GSE1: variants seen among roughly 807,000 people sequenced by gnomAD.
The protein encoded by GSE1 is genetic suppressor element 1.
In GSE1, 32 loss-of-function variants were observed where a neutral mutation model predicts 112.6. That is an observed-to-expected ratio of 0.28 (90% CI 0.21 to 0.38). The LOEUF (loss-of-function observed/expected upper bound fraction) is 0.38. Ranked by LOEUF, GSE1 falls within the 10% of genes least tolerant of loss-of-function variation. The pLI, the probability that GSE1 is intolerant of heterozygous loss-of-function variation, is 1.00. For missense variants in GSE1, 2,348 were observed against 1,699.2 expected (o/e 1.38, Z -6.71); for synonymous variants, 1,115 against 735.6 (o/e 1.52, Z -8.35).
upstream of GSE1, among the ~76,000 whole-genome samples, chr16:85,607,339 C>T (rs2047749726): frequency 6.6e-6 from 1 of 152,222 alleles, no homozygotes; most frequent in Non-Finnish European, 1.5e-5. Context: ...CCCCGACGCA[C>T]ACGGCTTCCT....
At position 85,348,534 on chromosome 16, in the gene GSE1, G is replaced by T. The variant is rs115200409; in HGVS notation, c.2284-8929G>T. Among the ~76,000 whole-genome samples the T allele has an allele frequency of 5.3e-3, 805 of 152,198 alleles. 8 individuals carry two copies. The highest frequency in any genetic ancestry group is 0.018 in the African/African-American group (758 of 41,522). ...TGGCCCCTTTGTCCACTTGATCTTG[G>T]CCACTGCCCATCCATGAAATGCAGG... On this transcript the variant is annotated intron_variant, in intron 1 of 2. Coordinates refer to the GSE1 transcript ENST00000637419.
intron 1 of GSE1, among the ~76,000 whole-genome samples, chr16:85,288,802 A>C (rs2045118436): frequency 6.6e-6 from 1 of 152,096 alleles, no homozygotes; most frequent in African/African-American, 2.4e-5. Context: ...GGAGGTGGGG[A>C]GGGTGGAGCT....
intron 1 of GSE1, among the ~76,000 whole-genome samples, chr16:85,268,340 A>G (rs144527513): frequency 6.3e-4 from 96 of 152,260 alleles, no homozygotes; most frequent in African/African-American, 2.2e-3. Context: ...TAATGGTCAC[A>G]GTACAAACAC....
intron 2 of GSE1, among the ~76,000 whole-genome samples, chr16:85,526,242 C>T (rs563085412): frequency 3.3e-5 from 5 of 152,240 alleles, no homozygotes; most frequent in Admixed American, 2.0e-4. Context: ...GGGATTAGCT[C>T]GAGAACCCTC....
At chr16:85,508,793 T>TG (rs2051630846) in intron 2 of GSE1, among the ~76,000 whole-genome samples, 1 of 152,228 alleles carries the variant, frequency 6.6e-6, no homozygotes, top group South Asian at 2.1e-4. Context: ...TTACCTGAAC[T>TG]GGGGTCCTTG....
At chr16:85,587,107 G>T (rs994698701) in intron 1 of GSE1, among the ~76,000 whole-genome samples, 1 of 151,780 alleles carries the variant, frequency 6.6e-6, no homozygotes, top group Non-Finnish European at 1.5e-5. Flanking sequence ...ATGGGCCTCG[G>T]CCTCTGGCGG....
At chr16:85,628,296 C>T (rs975001926) in intron 1 of GSE1, among the ~76,000 whole-genome samples, 1 of 152,364 alleles carries the variant, frequency 6.6e-6, no homozygotes, top group South Asian at 2.1e-4. Flanking sequence ...TTCCCAGGCT[C>T]ACAGCTCCTC....
intron 2 of GSE1, among the ~76,000 whole-genome samples, chr16:85,502,550 GC>G: frequency 6.6e-6 from 1 of 152,232 alleles, no homozygotes; most frequent in Non-Finnish European, 1.5e-5. Flanking sequence ...GCTGGGCCAG[GC>G]CTGAGCCAAG....
At chr16:85,490,378 T>C (rs1038728486) in intron 2 of GSE1, 3 of 152,180 alleles carry the variant, frequency 2.0e-5, no homozygotes, top group Non-Finnish European at 4.4e-5. Context: ...TCTCCTCATG[T>C]GTAAAAGGGG....
At chr16:85,218,725 C>T (rs2075343334) in intron 1 of GSE1, among the ~76,000 whole-genome samples, 1 of 152,256 alleles carries the variant, frequency 6.6e-6, no homozygotes, top group Non-Finnish European at 1.5e-5. Context: ...TCTGCAGGTC[C>T]TGCTCTGTGC....
At chr16:85,409,330 T>G (rs1489061958) in intron 2 of GSE1, among the ~76,000 whole-genome samples, 1 of 48,882 alleles carries the variant, frequency 2.0e-5, no homozygotes, top group East Asian at 9.1e-4. Flanking sequence ...TCCTCACTGT[T>G]ACACTCAGGG....
chr16:85,382,442 C>T (rs2047568754), intron 2 of GSE1, among the ~76,000 whole-genome samples: 1 of 152,186 alleles, frequency 6.6e-6, no homozygotes, highest in Non-Finnish European at 1.5e-5. Flanking sequence ...GCTGCCCCTG[C>T]AATGTGCAGA....
At chr16:85,204,853 A>G (rs1056680582) in intron 1 of GSE1, among the ~76,000 whole-genome samples, 1 of 152,168 alleles carries the variant, frequency 6.6e-6, no homozygotes, top group African/African-American at 2.4e-5. Flanking sequence ...CTGTGTGCTC[A>G]CAGCTGTTTA....
intron 2 of GSE1, among the ~76,000 whole-genome samples, chr16:85,363,182 T>C (rs924182840): frequency 6.6e-6 from 1 of 152,158 alleles, no homozygotes; most frequent in Non-Finnish European, 1.5e-5. Flanking sequence ...ACCCTACCGC[T>C]GAGTTTGGGG....
chr16:85,600,582 C>T (rs981252585), intron 1 of GSE1, among the ~76,000 whole-genome samples: 1 of 149,374 alleles, frequency 6.7e-6, no homozygotes, highest in Non-Finnish European at 1.5e-5. Context: ...CACACACACA[C>T]CCCAAACACA....
Position 85,634,081 on chromosome 16 carries a change from A to G in GSE1, c.175A>G (p.Ser59Gly), listed in dbSNP as rs761712147. 10 of 1,600,378 alleles carry G rather than the reference A, an allele frequency of 6.2e-6. No homozygotes were observed. Among genetic ancestry groups the G allele is most frequent in the South Asian group, 1.1e-5 (1 of 90,016 alleles). ...GTCGGCCCAGGCCGCGCCATCCTCCAGCTTTGCCGCCGCGCTGCGCAAGCT... is the reference window on the plus strand; with the variant it reads ...GTCGGCCCAGGCCGCGCCATCCTCCGGCTTTGCCGCCGCGCTGCGCAAGCT... Reference protein sequence around the residue: ...ALSAQAAPSSSFAAALRKLAK... With the variant: ...ALSAQAAPSSGFAAALRKLAK... The change falls in exon 2 of 16, where the codon AGC becomes GGC. Residue 59 changes from serine to glycine, a missense_variant. Transcript: ENST00000253458.
At chr16:85,218,502 G>A (rs577873408) in intron 1 of GSE1, among the ~76,000 whole-genome samples, 6 of 152,226 alleles carry the variant, frequency 3.9e-5, no homozygotes, top group African/African-American at 1.2e-4. Context: ...GAAACGAGAC[G>A]TGCCGCTCGT....
intron 1 of GSE1, among the ~76,000 whole-genome samples, chr16:85,234,351 T>C (rs983990092): frequency 6.6e-6 from 1 of 152,122 alleles, no homozygotes; most frequent in Non-Finnish European, 1.5e-5. Context: ...TCTTGGTCTG[T>C]ACAGTGGGGA....
intron 2 of GSE1, among the ~76,000 whole-genome samples, chr16:85,485,348 G>A (rs903822536): frequency 2.6e-5 from 4 of 152,230 alleles, no homozygotes; most frequent in African/African-American, 7.2e-5. Flanking sequence ...GCCAGGTCCC[G>A]TGCAGCCGTT....
Sources: gnomAD v4.1 joint callset for allele counts (sites outside exome capture counted in the v4.1 genomes callset) on GRCh38, gnomAD v4.1.1 for gene constraint, MANE v1.5 for transcripts, NCBI Gene and HGNC (gene_info 2026-07-23, HGNC 2026-07-21) for gene names.